Variants in WLS observed in about 807,000 individuals in gnomAD.
WLS encodes the protein Wnt ligand secretion mediator.
In WLS, 23 loss-of-function variants were observed where a neutral mutation model predicts 62.8. That is an observed-to-expected ratio of 0.37 (90% CI 0.26 to 0.52). The LOEUF (loss-of-function observed/expected upper bound fraction) is 0.52, where lower values mean the gene tolerates loss of function less well. WLS is among the 20% of genes least tolerant of loss of function. WLS has a pLI of 0.92. For synonymous variants in WLS, 246 were observed against 244.1 expected, an observed-to-expected ratio of 1.01 and a Z score of -0.07; for missense variants, 615 against 697.3, an observed-to-expected ratio of 0.88 and a Z score of 1.33.
At chr1:68,194,505 C>G (rs1181574509) in intron 1 of WLS, among the ~76,000 whole-genome samples, 1 of 152,184 alleles carries the variant, frequency 6.6e-6, no homozygotes, top group Non-Finnish European at 1.5e-5. Context: ...CACTTCAAAA[C>G]AATGTCACAA....
At position 68,162,859 on chromosome 1, in the gene WLS, C is replaced by T. The variant is rs1158046815; in HGVS notation, c.380-3612G>A. On this transcript the variant is annotated intron_variant, in intron 2 of 11. Coordinates refer to ENST00000262348, the MANE Select transcript of WLS (RefSeq NM_024911.7). ...GATGATGGTGTGGTACATCATGGTA[C>T]CCATGGCTTCGTTAGAACCTTCTCG... 4.2e-6 allele frequency: 6 copies of T among 1,441,452 alleles called. No homozygotes were observed. In the Admixed American group the frequency reaches 1.0e-4, roughly 25 times the overall value. 89.3% of individuals were successfully genotyped at this position (1,441,452 alleles called of 1,614,324 possible).
intron 10 of WLS, among the ~76,000 whole-genome samples, chr1:68,139,179 C>T (rs1443883510): frequency 6.6e-6 from 1 of 152,156 alleles, no homozygotes; most frequent in African/African-American, 2.4e-5. Context: ...CTATTATGAA[C>T]TCTTATTTAT....
At chr1:68,190,345 C>T (rs1648220585) in intron 2 of WLS, among the ~76,000 whole-genome samples, 1 of 152,202 alleles carries the variant, frequency 6.6e-6, no homozygotes. Flanking sequence ...CTAAGATGGT[C>T]CTTAATGATC....
chr1:68,232,386 C>T lies in WLS; in HGVS notation c.-87G>A. 2 of 1,506,996 alleles carry T rather than the reference C, an allele frequency of 1.3e-6. No individual in the cohort carries two copies. The highest frequency in any genetic ancestry group is 1.8e-6 in the Non-Finnish European group (2 of 1,124,890). 93.4% of individuals were successfully genotyped at this position (1,506,996 alleles called of 1,614,324 possible). On this transcript the variant is annotated 5_prime_UTR_variant, in exon 1 of 12. Transcript: ENST00000262348. The stretch of plus-strand genomic sequence containing the variant: ...CCCTCCTCTCACACACTCCCTCCTT[C>T]CTCGCCTCCTTTCTGGGCGCTGCAA...
chr1:68,103,656 A>C (rs1424854546), intron 11 of WLS, among the ~76,000 whole-genome samples: 2 of 152,164 alleles, frequency 1.3e-5, no homozygotes, highest in African/African-American at 4.8e-5. Context: ...CCAAATGAGG[A>C]GAAGCAAGGT....
At chr1:68,133,263 C>G (rs765168161) in intron 11 of WLS, among the ~76,000 whole-genome samples, 2 of 152,200 alleles carry the variant, frequency 1.3e-5, no homozygotes, top group Admixed American at 6.5e-5. Flanking sequence ...TGCACATTCA[C>G]TGCCGCTATG....
At chr1:68,228,981 T>C (rs993188660) in intron 1 of WLS, among the ~76,000 whole-genome samples, 8 of 151,166 alleles carry the variant, frequency 5.3e-5, no homozygotes, top group South Asian at 2.1e-4. Flanking sequence ...TGGAGGCTAG[T>C]TGCTTTTATA....
In WLS at chr1:68,110,651, A is replaced by ATCTCTCTCTCTCTC. The variant is rs752431176; in HGVS notation, c.1511-11899_1511-11898insGAGAGAGAGAGAGA. On this transcript the variant is annotated intron_variant, in intron 11 of 11. Coordinates refer to the WLS transcript ENST00000354777. ...GGAACAGACTAAGAAGCCCCCAAAA[A>ATCTCTCTCTCTCTC]TCTCTGTCTCTCTCTCTCTCTCTCT... Among the ~76,000 whole-genome samples the ATCTCTCTCTCTCTC allele has an allele frequency of 3.9e-4, 49 of 126,224 alleles. 1 individual carries two copies. Among genetic ancestry groups the ATCTCTCTCTCTCTC allele is most frequent in the African/African-American group, 1.4e-3 (47 of 32,522 alleles). 82.8% of individuals were successfully genotyped at this position (126,224 alleles called of 152,430 possible).
At chr1:68,163,099 G>C in intron 2 of WLS, 1 of 1,545,870 alleles carries the variant, frequency 6.5e-7, no homozygotes, top group East Asian at 2.2e-5. Context: ...ATACTTTATG[G>C]AACTTTGCAA....
intron 11 of WLS, among the ~76,000 whole-genome samples, chr1:68,134,707 G>A (rs896236111): frequency 4.6e-5 from 7 of 152,206 alleles, no homozygotes; most frequent in Non-Finnish European, 8.8e-5. Context: ...CTTAGCAGAG[G>A]ATTCAGGGGA....
chr1:68,180,616 C>T (rs2100565979), intron 2 of WLS, among the ~76,000 whole-genome samples: 1 of 152,294 alleles, frequency 6.6e-6, no homozygotes, highest in South Asian at 2.1e-4. Flanking sequence ...TTTTGACCTC[C>T]ACATTTTCAC....
chr1:68,112,717 G>A (rs147923098), intron 11 of WLS, among the ~76,000 whole-genome samples: 2 of 152,124 alleles, frequency 1.3e-5, no homozygotes, highest in South Asian at 2.1e-4. Context: ...ATTGGTCACC[G>A]ACTGCACGGT....
At position 68,125,565 on chromosome 1, in the gene WLS, T is replaced by A; in HGVS notation, c.*661A>T. On this transcript the variant is annotated 3_prime_UTR_variant, in exon 12 of 12. Transcript: ENST00000262348. Reference sequence around the variant, plus strand: ...CTTGGGTAGTTTAGCAAACATTTTTTAAAACCCACATCCAACAGATTGGTT... The same window carrying A: ...CTTGGGTAGTTTAGCAAACATTTTTAAAAACCCACATCCAACAGATTGGTT... 5 of 985,454 alleles carry A rather than the reference T, an allele frequency of 5.1e-6. No homozygotes were observed. Among genetic ancestry groups the A allele is most frequent in the Non-Finnish European group, 6.0e-6 (5 of 829,926 alleles). 61.0% of individuals were successfully genotyped at this position (985,454 alleles called of 1,614,324 possible). A position where few individuals can be genotyped will look rare whatever the true frequency, so the allele number is the denominator to read the frequency against.
intron 2 of WLS, among the ~76,000 whole-genome samples, chr1:68,190,016 AT>A (rs1217801305): frequency 6.6e-6 from 1 of 151,954 alleles, no homozygotes; most frequent in South Asian, 2.1e-4. Context: ...CTCAAAAAAA[AT>A]AAATAAAAAA....
upstream of WLS, chr1:68,232,532 C>G: frequency 1.3e-6 from 1 of 752,956 alleles, no homozygotes. Context: ...GTGGCCGCTC[C>G]GCCGCCTGTG....
At chr1:68,179,680 G>T (rs561835848) in intron 2 of WLS, among the ~76,000 whole-genome samples, 1 of 152,310 alleles carries the variant, frequency 6.6e-6, no homozygotes, top group South Asian at 2.1e-4. Flanking sequence ...ACCAGGAATA[G>T]AAAGCTGTCA....
intron 11 of WLS, among the ~76,000 whole-genome samples, chr1:68,112,063 G>T (rs1646235030): frequency 6.6e-6 from 1 of 152,190 alleles, no homozygotes; most frequent in South Asian, 2.1e-4. Flanking sequence ...AAATGCCTTG[G>T]CCACAAGGAG....
intron 1 of WLS, among the ~76,000 whole-genome samples, chr1:68,197,936 C>T (rs1648766963): frequency 6.6e-6 from 1 of 152,104 alleles, no homozygotes; most frequent in Admixed American, 6.6e-5. Flanking sequence ...CTTACTTAGT[C>T]ACTTGCGTGG....
intron 2 of WLS, among the ~76,000 whole-genome samples, chr1:68,168,934 A>G (rs1000316885): frequency 6.6e-6 from 1 of 152,360 alleles, no homozygotes; most frequent in East Asian, 1.9e-4. Flanking sequence ...AAATGGACTC[A>G]GCTAATTACA....
Sources: allele counts gnomAD v4.1 joint callset (sites outside exome capture counted in the v4.1 genomes callset), GRCh38; gene constraint gnomAD v4.1.1; transcripts MANE v1.5; gene names NCBI Gene and HGNC (gene_info 2026-07-23, HGNC 2026-07-21).